The following PCDHB4 variants were observed in gnomAD, a reference collection of about 807,000 sequenced individuals.
PCDHB4 encodes the protein protocadherin beta 4.
For synonymous variants in PCDHB4, 482 were observed against 447.3 expected (o/e 1.08, Z -0.98); for missense variants, 1,063 against 1,007.0 (o/e 1.06, Z -0.75).
At position 141,125,420 on chromosome 5, in the gene PCDHB4, A is replaced by C. The variant is rs936585677; in HGVS notation, c.*1034A>C. On this transcript the variant is annotated 3_prime_UTR_variant, in exon 1 of 1. Transcript: ENST00000194152. ...ATAATCAGTTGATCTCAGGTTTTTCACTGTACATTACTTTGCAGATATGGA... is the reference window on the plus strand; with the variant it reads ...ATAATCAGTTGATCTCAGGTTTTTCCCTGTACATTACTTTGCAGATATGGA... The C allele has an allele frequency of 3.7e-4, 56 of 152,178 alleles. No homozygotes were observed. The highest frequency in any genetic ancestry group is 1.3e-3 in the African/African-American group (55 of 41,452). 9.4% of individuals were successfully genotyped at this position (152,178 alleles called of 1,614,324 possible).
rs1226402174 is a variant in PCDHB4, at chr5:141,123,034, C to T, written c.1036C>T (p.Leu346Phe). The part of the protein sequence containing the change: ...VVDVNDNPPE[L>F]IISSLTSSIP... Reference sequence around the variant, plus strand: ...GGATGTGAATGACAATCCCCCAGAACTTATCATATCTTCACTCACCAGCTC... The same window carrying T: ...GGATGTGAATGACAATCCCCCAGAATTTATCATATCTTCACTCACCAGCTC... Residue 346 changes from leucine to phenylalanine, a missense_variant, in exon 1 of 1, where the codon CTT (leucine) becomes TTT (phenylalanine). Physicochemically the swap from Leu to Phe is conservative, Grantham distance 22 (BLOSUM62 0). Transcript: ENST00000194152. 2.5e-6 allele frequency: 4 copies of T among 1,614,004 alleles called. No individual in the cohort carries two copies. Among genetic ancestry groups the T allele is most frequent in the Middle Eastern group, 1.6e-4 (1 of 6,062 alleles).
rs1343104418 is a variant in PCDHB4 at position 141,122,869 on chromosome 5, T to A, written c.871T>A (p.Phe291Ile). 7.4e-6 allele frequency: 12 copies of A among 1,613,650 alleles called. No individual in the cohort carries two copies. In the Admixed American group the frequency reaches 2.0e-4, roughly 27 times the overall value. ...FQASDEIKQT[F>I]SINEVTGEIL... ...AGCATCAGATGAAATTAAACAAACT[T>A]TCTCAATAAATGAAGTCACGGGAGA... Residue 291 changes from phenylalanine to isoleucine, a missense_variant, in exon 1 of 1, where the codon TTC becomes ATC. Transcript: ENST00000194152.
chr5:141,121,818 A>G lies in PCDHB4; in HGVS notation c.-181A>G. The G allele has an allele frequency of 1.9e-6, 1 of 516,754 alleles. No individual in the cohort carries two copies. Among genetic ancestry groups the G allele is most frequent in the South Asian group, 3.9e-5 (1 of 25,466 alleles). The allele number at this position is 516,754 out of a possible 1,614,324, so 32.0% of individuals were successfully genotyped here. A position where few individuals can be genotyped will look rare whatever the true frequency, so the allele number is the denominator to read the frequency against. On this transcript the variant is annotated 5_prime_UTR_variant, in exon 1 of 1. Transcript: ENST00000194152. The stretch of plus-strand genomic sequence containing the variant: ...TGTGTCGCTAGACGCAATCAAAAAC[A>G]CACGGAAGAAGCGTTACAAGCAGTG...
Position 141,123,585 on chromosome 5 carries a change from C to G in PCDHB4, c.1587C>G (p.Arg529=). Reference sequence around the variant, plus strand: ...AGGCCCTGCAGGCGTTCGAGTTCCGCGTGGGCGCCTCAGACCGCGGTTCTC... The same window carrying G: ...AGGCCCTGCAGGCGTTCGAGTTCCGGGTGGGCGCCTCAGACCGCGGTTCTC... The part of the protein sequence containing the change: ...DYEALQAFEF[R]VGASDRGSPA... The change falls in exon 1 of 1, where the codon CGC becomes CGG. Residue 529 remains arginine, a synonymous_variant. Coordinates refer to ENST00000194152, the MANE Select transcript of PCDHB4 (RefSeq NM_018938.4). 1 of 1,612,532 alleles carries G rather than the reference C, an allele frequency of 6.2e-7. No individual in the cohort carries two copies. The highest frequency in any genetic ancestry group is 8.5e-7 in the Non-Finnish European group (1 of 1,179,814).
At position 141,123,204 on chromosome 5, in the gene PCDHB4, G is replaced by T; in HGVS notation, c.1206G>T (p.Leu402=). The change falls in exon 1 of 1, where the codon CTG becomes CTT. Residue 402 remains leucine (L), a synonymous_variant. Coordinates refer to ENST00000194152, the MANE Select transcript of PCDHB4 (RefSeq NM_018938.4). The part of the protein sequence containing the change: ...LKPTLKNFYT[L]VTERPLDRET... ...CAACTTTGAAGAATTTTTACACCCT[G>T]GTAACAGAGAGACCACTGGACCGAG... 1 of 1,614,168 alleles carries T rather than the reference G, an allele frequency of 6.2e-7. No individual in the cohort carries two copies. The highest frequency in any genetic ancestry group is 8.5e-7 in the Non-Finnish European group (1 of 1,180,040).
chr5:141,122,202 C>A lies in PCDHB4; in HGVS notation c.204C>A (p.Asp68Glu), dbSNP rs377174176. Residue 68 changes from aspartate (D) to glutamate (E), a missense_variant, in exon 1 of 1, where the codon GAC becomes GAA. Transcript: ENST00000194152. ...LASRSARVLS[D>E]DDKQRLQLDR... is the part of the protein sequence containing the mutation. ...CCCGGTCAGCCCGGGTGCTGTCTGA[C>A]GATGACAAGCAGCGTTTGCAGCTGG... 2 of 1,614,164 alleles carry A rather than the reference C, an allele frequency of 1.2e-6. No individual in the cohort carries two copies. The highest frequency in any genetic ancestry group is 3.3e-5 in the Admixed American group (2 of 60,020).
In PCDHB4 at chr5:141,124,141, AG is replaced by A; in HGVS notation, c.2145del (p.Ser716AlafsTer23). 1.2e-6 allele frequency: 2 copies of A among 1,611,932 alleles called. No individual in the cohort carries two copies. The highest frequency in any genetic ancestry group is 1.1e-5 in the South Asian group (1 of 91,004). Reference protein sequence around the residue: ...LLFVAVRLCRRSRAASVGRCS... With the variant: ...LLFVAVRLCRXSRAASVGRCS... ...GTTCGTGGCGGTGCGGCTGTGCAGGAGGAGCAGGGCGGCCTCGGTGGGTCGC... is the reference window on the plus strand; with the variant it reads ...GTTCGTGGCGGTGCGGCTGTGCAGGAGAGCAGGGCGGCCTCGGTGGGTCGC... On this transcript the variant is annotated frameshift_variant, in exon 1 of 1. Transcript: ENST00000194152. LOFTEE classifies it low-confidence loss of function (END_TRUNC).
rs782155638 is a variant in PCDHB4, at chr5:141,124,274, G to C, written c.2276G>C (p.Gly759Ala). The C allele has an allele frequency of 1.8e-5, 29 of 1,614,050 alleles. No individual in the cohort carries two copies. Among genetic ancestry groups the C allele is most frequent in the Non-Finnish European group, 2.2e-5 (26 of 1,180,042 alleles). ...GAGGTGTGTCTGACAGGAGACTCTG[G>C]GACTGGTGAGTTCAAGTTCCTGAAG... is the stretch of plus-strand genomic sequence containing the variant. ...QYEVCLTGDS[G>A]TGEFKFLKPI... The change falls in exon 1 of 1, where the codon GGG becomes GCG. Residue 759 changes from glycine to alanine, a missense_variant. Physicochemically the swap from Gly to Ala is moderately conservative, Grantham distance 60. Coordinates refer to ENST00000194152, the MANE Select transcript of PCDHB4 (RefSeq NM_018938.4).
chr5:141,123,497 C>T lies in PCDHB4; in HGVS notation c.1499C>T (p.Ala500Val), dbSNP rs1752342884. ...LPPQDPHLPL[A>V]SLVSINADNG... Reference sequence around the variant, plus strand: ...CCCCAGGACCCGCACCTGCCCCTCGCCTCCCTGGTCTCCATCAACGCAGAC... The same window carrying T: ...CCCCAGGACCCGCACCTGCCCCTCGTCTCCCTGGTCTCCATCAACGCAGAC... The change falls in exon 1 of 1, where the codon GCC becomes GTC. Residue 500 changes from alanine (A) to valine (V), a missense_variant. By Grantham distance (64) the Ala-to-Val change is moderately conservative. Transcript: ENST00000194152. The T allele has an allele frequency of 6.2e-7, 1 of 1,613,330 alleles. No homozygotes were observed. The highest frequency in any genetic ancestry group is 8.5e-7 in the Non-Finnish European group (1 of 1,180,016).
rs782306185 is a variant in PCDHB4, at chr5:141,123,061, A to G, written c.1063A>G (p.Ile355Val). 3 of 1,613,754 alleles carry G rather than the reference A, an allele frequency of 1.9e-6. No homozygotes were observed. Among genetic ancestry groups the G allele is most frequent in the Non-Finnish European group, 2.5e-6 (3 of 1,179,842 alleles). The change falls in exon 1 of 1, where the codon ATC (isoleucine) becomes GTC (valine). Residue 355 changes from isoleucine (I) to valine (V), a missense_variant. Transcript: ENST00000194152. ...ELIISSLTSSIPENAPETVVS... is the reference protein window; with the variant it reads ...ELIISSLTSSVPENAPETVVS... ...TATCATATCTTCACTCACCAGCTCC[A>G]TCCCAGAAAATGCTCCTGAGACGGT...
Position 141,122,489 on chromosome 5 carries a change from A to G in PCDHB4, c.491A>G (p.Asn164Ser), listed in dbSNP as rs868919336. 4.3e-6 allele frequency: 7 copies of G among 1,614,098 alleles called. No homozygotes were observed. The highest frequency in any genetic ancestry group is 1.6e-4 in the Middle Eastern group (1 of 6,084). The change falls in exon 1 of 1, where the codon AAT (asparagine) becomes AGT (serine). Residue 164 changes from asparagine to serine, a missense_variant. Asn to Ser is a conservative substitution (Grantham distance 46). Coordinates refer to ENST00000194152, the MANE Select transcript of PCDHB4 (RefSeq NM_018938.4). ...LIAEDLDVGS[N>S]GLQKYTISPN... Reference sequence around the variant, plus strand: ...GCTGAGGATTTGGATGTGGGCAGCAATGGTCTTCAAAAATACACAATCAGC... The same window carrying G: ...GCTGAGGATTTGGATGTGGGCAGCAGTGGTCTTCAAAAATACACAATCAGC...
At position 141,122,293 on chromosome 5, in the gene PCDHB4, G is replaced by C; in HGVS notation, c.295G>C (p.Glu99Gln). The change falls in exon 1 of 1, where the codon GAA (glutamate) becomes CAA (glutamine). Residue 99 changes from glutamate to glutamine, a missense_variant. Coordinates refer to ENST00000194152, the MANE Select transcript of PCDHB4 (RefSeq NM_018938.4). ...LDREELCGPI[E>Q]PCVLHFQVFL... ...CCGGGAAGAGCTCTGTGGTCCTATT[G>C]AACCGTGTGTACTGCATTTCCAAGT... 6.2e-7 allele frequency: 1 copy of C among 1,614,000 alleles called. No individual in the cohort carries two copies. Among genetic ancestry groups the C allele is most frequent in the Non-Finnish European group, 8.5e-7 (1 of 1,180,048 alleles).
In PCDHB4 at chr5:141,121,899, CA is replaced by C; in HGVS notation, c.-98del. 1.2e-6 allele frequency: 1 copy of C among 801,934 alleles called. No homozygotes were observed. Among genetic ancestry groups the C allele is most frequent in the Non-Finnish European group, 2.0e-6 (1 of 505,448 alleles). The allele number at this position is 801,934 out of a possible 1,614,324, so 49.7% of individuals were successfully genotyped here. On this transcript the variant is annotated 5_prime_UTR_variant, in exon 1 of 1. Transcript: ENST00000194152. ...TACTAAACAAATTTAATATTAAAAG[CA>C]ACTGTGTGACGATTCCTCCAAGCAA... is the stretch of plus-strand genomic sequence containing the variant.
chr5:141,122,936 C>A lies in PCDHB4; in HGVS notation c.938C>A (p.Ser313Tyr). 1 of 1,611,220 alleles carries A rather than the reference C, an allele frequency of 6.2e-7. No individual in the cohort carries two copies. ...AAATTGGATTTCGAAAAAATTAAAT[C>A]TTACCATGTAGAAATTGAGGCCACA... Reference protein sequence around the residue: ...KKKLDFEKIKSYHVEIEATDG... With the variant: ...KKKLDFEKIKYYHVEIEATDG... The change falls in exon 1 of 1, where the codon TCT becomes TAT. Residue 313 changes from serine to tyrosine, a missense_variant. Ser to Tyr is a moderately radical substitution (Grantham distance 144). Coordinates refer to ENST00000194152, the MANE Select transcript of PCDHB4 (RefSeq NM_018938.4).
rs1752324828 is a variant in PCDHB4 at position 141,123,038 on chromosome 5, T to C, written c.1040T>C (p.Ile347Thr). 2 of 1,613,872 alleles carry C rather than the reference T, an allele frequency of 1.2e-6. No homozygotes were observed. The highest frequency in any genetic ancestry group is 1.1e-5 in the South Asian group (1 of 91,028). Residue 347 changes from isoleucine (I) to threonine (T), a missense_variant, in exon 1 of 1, where the codon ATC (isoleucine) becomes ACC (threonine). By Grantham distance (89) the Ile-to-Thr change is moderately conservative. Transcript: ENST00000194152. ...GTGAATGACAATCCCCCAGAACTTA[T>C]CATATCTTCACTCACCAGCTCCATC... The part of the protein sequence containing the change: ...VDVNDNPPEL[I>T]ISSLTSSIPE...
Position 141,122,404 on chromosome 5 carries a change from G to A in PCDHB4, c.406G>A (p.Glu136Lys). 1 of 1,614,212 alleles carries A rather than the reference G, an allele frequency of 6.2e-7. No individual in the cohort carries two copies. Among genetic ancestry groups the A allele is most frequent in the Non-Finnish European group, 8.5e-7 (1 of 1,180,036 alleles). The change falls in exon 1 of 1, where the codon GAA becomes AAA. Residue 136 changes from glutamate (E) to lysine (K), a missense_variant. Coordinates refer to ENST00000194152, the MANE Select transcript of PCDHB4 (RefSeq NM_018938.4). ...NDHSPIFPER[E>K]VLLKILENSQ... ...TCACTCTCCAATATTCCCTGAAAGG[G>A]AAGTGCTCTTGAAAATACTAGAAAA...
chr5:141,122,189 G>A lies in PCDHB4; in HGVS notation c.191G>A (p.Arg64Gln), dbSNP rs782281410. 3.1e-6 allele frequency: 5 copies of A among 1,614,088 alleles called. No individual in the cohort carries two copies. The highest frequency in any genetic ancestry group is 4.5e-5 in the East Asian group (2 of 44,888). The part of the protein sequence containing the change: ...GIGELASRSA[R>Q]VLSDDDKQRL... Reference sequence around the variant, plus strand: ...GGGGAACTGGCCTCCCGGTCAGCCCGGGTGCTGTCTGACGATGACAAGCAG... The same window carrying A: ...GGGGAACTGGCCTCCCGGTCAGCCCAGGTGCTGTCTGACGATGACAAGCAG... Residue 64 changes from arginine to glutamine, a missense_variant, in exon 1 of 1, where the codon CGG becomes CAG. Coordinates refer to ENST00000194152, the MANE Select transcript of PCDHB4 (RefSeq NM_018938.4).
chr5:141,123,502 C>T lies in PCDHB4; in HGVS notation c.1504C>T (p.Leu502=). 1 of 1,613,394 alleles carries T rather than the reference C, an allele frequency of 6.2e-7. No individual in the cohort carries two copies. ...PQDPHLPLAS[L]VSINADNGHL... Reference sequence around the variant, plus strand: ...GGACCCGCACCTGCCCCTCGCCTCCCTGGTCTCCATCAACGCAGACAACGG... The same window carrying T: ...GGACCCGCACCTGCCCCTCGCCTCCTTGGTCTCCATCAACGCAGACAACGG... The change falls in exon 1 of 1, where the codon CTG becomes TTG. Residue 502 remains leucine (L), a synonymous_variant. Transcript: ENST00000194152.
rs782002840 is a variant in PCDHB4, at chr5:141,123,434, C to A, written c.1436C>A (p.Ser479Ter). The A allele has an allele frequency of 6.2e-7, 1 of 1,613,172 alleles. No individual in the cohort carries two copies. The highest frequency in any genetic ancestry group is 2.2e-5 in the East Asian group (1 of 44,880). ...AGTGTCAGCGCCACAGACAGAGACTCGGGCACCAACGCCCAGGTCACCTAC... is the reference window on the plus strand; with the variant it reads ...AGTGTCAGCGCCACAGACAGAGACTAGGGCACCAACGCCCAGGTCACCTAC... ...IGSVSATDRD[S>*]GTNAQVTYSL... Residue 479 changes from serine (S) to a stop codon, truncating the protein, a stop_gained, in exon 1 of 1, where the codon TCG (serine) becomes TAG (stop). Transcript: ENST00000194152. LOFTEE classifies it low-confidence loss of function (END_TRUNC).
Sources: allele counts gnomAD v4.1 joint callset, GRCh38; gene constraint gnomAD v4.1.1; transcripts MANE v1.5; gene names NCBI Gene and HGNC (gene_info 2026-07-23, HGNC 2026-07-21).